Variants in GRIP2 observed in about 807,000 individuals in gnomAD.
GRIP2 encodes glutamate receptor interacting protein 2.
GRIP2 carries 58 observed loss-of-function variants against 108.3 expected under a neutral mutation model. The ratio of observed to expected loss-of-function variants is 0.54; its 90% confidence interval spans 0.43 to 0.67. The LOEUF (loss-of-function observed/expected upper bound fraction) is 0.67. Ranked by LOEUF, GRIP2 falls within the 30% of genes least tolerant of loss-of-function variation. The pLI is 0.00. For missense variants in GRIP2, 1,278 were observed against 1,430.6 expected (o/e 0.89, Z 1.72); for synonymous variants, 586 against 598.2 (o/e 0.98, Z 0.30).
At chr3:14,520,960 T>C (rs1694391356) in intron 7 of GRIP2, 1 of 204,268 alleles carries the variant, frequency 4.9e-6, no homozygotes, top group Non-Finnish European at 1.0e-5. Context: ...CGCCCACCCA[T>C]GTCTAAATCT....
chr3:14,602,935 C>G, the GRIP2 span, among the ~76,000 whole-genome samples: 1 of 149,902 alleles, frequency 6.7e-6, no homozygotes, highest in Admixed American at 6.6e-5. This position sits in a 1 kb window ranked among gnomAD's most constrained non-coding sequence, Gnocchi z 4.7. Flanking sequence ...TACCTTCGTC[C>G]GGCAGCCGCT....
rs756769685 is a variant in GRIP2, at chr3:14,507,598, T to C, written c.2181A>G (p.Gly727=). The change falls in exon 18 of 24, where the codon GGA becomes GGG. Residue 727 remains glycine (G), a synonymous_variant. Coordinates refer to ENST00000621039, the MANE Select transcript of GRIP2 (RefSeq NM_001080423.4). The surrounding 1 kb of genome is among the most constrained non-coding windows in gnomAD (Gnocchi z 4.6). The part of the protein sequence containing the change: ...SEAIHLLQVA[G]ETVTLKIKKQ... ...TCTTGATCTTCAGTGTGACGGTCTC[T>C]CCAGCCACCTGCAGGAGGTGGATGG... 1 of 1,613,882 alleles carries C rather than the reference T, an allele frequency of 6.2e-7. No individual in the cohort carries two copies. The highest frequency in any genetic ancestry group is 1.3e-5 in the African/African-American group (1 of 74,926).
At chr3:14,544,752 CTTG>C (rs1695032281), upstream of GRIP2, among the ~76,000 whole-genome samples, 2 of 152,350 alleles carry the variant, frequency 1.3e-5, no homozygotes, top group South Asian at 2.1e-4. Flanking sequence ...GAACCTGCAT[CTTG>C]TTGTTAAACA....
the GRIP2 span, among the ~76,000 whole-genome samples, chr3:14,582,211 G>T: frequency 6.6e-6 from 1 of 152,192 alleles, no homozygotes; most frequent in Non-Finnish European, 1.5e-5. Context: ...AGCCCTCCTG[G>T]CAGGTATCCC....
At chr3:14,545,458 C>T (rs1317813490), upstream of GRIP2, among the ~76,000 whole-genome samples, 3 of 152,232 alleles carry the variant, frequency 2.0e-5, no homozygotes, top group Admixed American at 6.5e-5. Context: ...CAGCGACAAA[C>T]ACATGTTGAG....
chr3:14,557,884 G>A (rs557751855), upstream of GRIP2, among the ~76,000 whole-genome samples: 8 of 152,326 alleles, frequency 5.3e-5, no homozygotes, highest in African/African-American at 1.9e-4. Context: ...TGACAGATGG[G>A]GCTAACAGTT....
chr3:14,512,494 C>T lies in GRIP2; in HGVS notation c.1720+283G>A, dbSNP rs1300957057. On this transcript the variant is annotated intron_variant, in intron 14 of 23. Transcript: ENST00000621039. The surrounding 1 kb of genome is among the most constrained non-coding windows in gnomAD (Gnocchi z 5.1). ...ACCCAGCCTAAATATTTGTCACCTTCCAATGCTCTCTCACCATGGGCACCT... is the reference window on the plus strand; with the variant it reads ...ACCCAGCCTAAATATTTGTCACCTTTCAATGCTCTCTCACCATGGGCACCT... 7.0e-6 allele frequency among the ~76,000 whole-genome samples: 1 copy of T among 142,426 alleles called. No homozygotes were observed. Among genetic ancestry groups the T allele is most frequent in the Non-Finnish European group, 1.5e-5 (1 of 67,756 alleles). 93.4% of individuals were successfully genotyped at this position (142,426 alleles called of 152,430 possible).
chr3:14,579,604 T>C, the GRIP2 span, among the ~76,000 whole-genome samples: 7 of 151,926 alleles, frequency 4.6e-5, no homozygotes, highest in South Asian at 4.2e-4. Context: ...CCAGTTCTAC[T>C]GAGAGTCTCC....
intron 1 of GRIP2, 84 bp from the exon 2 acceptor site, chr3:14,526,015 C>G: frequency 1.6e-6 from 2 of 1,228,910 alleles, no homozygotes; most frequent in East Asian, 2.5e-5. Flanking sequence ...ATTTTCCACT[C>G]TGTGGACGTG....
intron 1 of GRIP2, among the ~76,000 whole-genome samples, chr3:14,539,770 G>T (rs1694916815): frequency 6.6e-6 from 1 of 152,110 alleles, no homozygotes; most frequent in Admixed American, 6.5e-5. Context: ...AGCCCCAGGG[G>T]CTCACCAGTC....
At chr3:14,509,659 G>A (rs1198341104) in intron 17 of GRIP2, among the ~76,000 whole-genome samples, 161 bp downstream of exon 17, 1 of 152,250 alleles carries the variant, frequency 6.6e-6, no homozygotes, top group African/African-American at 2.4e-5. Flanking sequence ...TTTTACAAAT[G>A]CAGACCTGAG....
Position 14,507,052 on chromosome 3 carries a change from C to A in GRIP2, c.2219-72G>T. 1 of 1,426,370 alleles carries A rather than the reference C, an allele frequency of 7.0e-7. No individual in the cohort carries two copies. Among genetic ancestry groups the A allele is most frequent in the Non-Finnish European group, 9.5e-7 (1 of 1,051,048 alleles). 88.4% of individuals were successfully genotyped at this position (1,426,370 alleles called of 1,614,324 possible). ...GTGAGCCTCAGTTTCTGCATTTCAGCCTGGTCTGGAAACTCACAGGCAGTA... is the reference window on the plus strand; with the variant it reads ...GTGAGCCTCAGTTTCTGCATTTCAGACTGGTCTGGAAACTCACAGGCAGTA... On this transcript the variant is annotated intron_variant, in intron 18 of 23. Transcript: ENST00000621039. The surrounding 1 kb of genome is among the most constrained non-coding windows in gnomAD (Gnocchi z 4.6).
intron 1 of GRIP2, among the ~76,000 whole-genome samples, chr3:14,554,594 C>G (rs938811187): frequency 2.0e-5 from 3 of 152,136 alleles, no homozygotes; most frequent in Non-Finnish European, 4.4e-5. Flanking sequence ...GATGTCAGGC[C>G]ACCAGCTGCC....
the GRIP2 span, among the ~76,000 whole-genome samples, chr3:14,590,234 T>G: frequency 6.6e-6 from 1 of 152,306 alleles, no homozygotes; most frequent in Non-Finnish European, 1.5e-5. Flanking sequence ...GTGTTTCCTC[T>G]TCTAATCGCT....
At chr3:14,602,726 C>A in the GRIP2 span, among the ~76,000 whole-genome samples, 5 of 151,900 alleles carry the variant, frequency 3.3e-5, no homozygotes, top group Non-Finnish European at 5.9e-5. This position sits in a 1 kb window ranked among gnomAD's most constrained non-coding sequence, Gnocchi z 4.7. Flanking sequence ...CGCTCCGCAG[C>A]TCGCGTCCTG....
chr3:14,570,638 T>C, the GRIP2 span, among the ~76,000 whole-genome samples: 3 of 152,252 alleles, frequency 2.0e-5, no homozygotes, highest in African/African-American at 7.2e-5. Context: ...GCTTCTATTT[T>C]TCAGGTCTTT....
At chr3:14,552,418 CAATACCTATGACGT>C (rs960988225) in intron 1 of GRIP2, among the ~76,000 whole-genome samples, 2 of 152,186 alleles carry the variant, frequency 1.3e-5, no homozygotes, top group African/African-American at 2.4e-5. Context: ...GGGCCTAGAA[CAATACCTATGACGT>C]AATAGATGCT....
intron 1 of GRIP2, among the ~76,000 whole-genome samples, chr3:14,553,850 G>A (rs1237389528): frequency 1.3e-5 from 2 of 152,192 alleles, no homozygotes. Flanking sequence ...AATGGGCAAA[G>A]CAAGTTCCTT....
intron 11 of GRIP2, among the ~76,000 whole-genome samples, chr3:14,516,314 C>G (rs565773725): frequency 3.9e-4 from 59 of 152,304 alleles, no homozygotes; most frequent in African/African-American, 1.3e-3. Context: ...TCTTCTTTCA[C>G]CTGGTTCTAT....
Sources: gnomAD v4.1 joint callset for allele counts (sites outside exome capture counted in the v4.1 genomes callset) on GRCh38, gnomAD v4.1.1 for gene constraint, Gnocchi (gnomAD v3.1) non-coding constraint, MANE v1.5 for transcripts, NCBI Gene and HGNC (gene_info 2026-07-23, HGNC 2026-07-21) for gene names.